Variants in MERTK observed in about 807,000 individuals in gnomAD.
MERTK encodes the protein tyrosine-protein kinase Mer.
Under a neutral mutation model 99.3 loss-of-function variants are expected in MERTK, and 69 were observed. The ratio of observed to expected loss-of-function variants is 0.70; its 90% CI spans 0.57 to 0.85. The LOEUF (loss-of-function observed/expected upper bound fraction) is 0.85, where lower values mean the gene tolerates loss of function less well. Among genes scored for constraint, MERTK ranks in the 40% least tolerant of loss-of-function variants. The pLI is 0.00. For missense variants in MERTK, 1,125 were observed against 1,249.4 expected, an observed-to-expected ratio of 0.90 and a Z score of 1.50; for synonymous variants, 426 against 467.6, an observed-to-expected ratio of 0.91 and a Z score of 1.15.
intron 18 of MERTK, among the ~76,000 whole-genome samples, chr2:112,023,687 A>C (rs1377232689): frequency 6.6e-6 from 1 of 152,132 alleles, no homozygotes; most frequent in African/African-American, 2.4e-5. Context: ...TTCTTGTGGC[A>C]TTGCTGGTAG....
In MERTK at chr2:111,898,620, T is replaced by TGCCCGGGCC. The variant is rs1683969649; in HGVS notation, c.-109_-101dup. 7.8e-7 allele frequency: 1 copy of TGCCCGGGCC among 1,286,176 alleles called. No homozygotes were observed. The highest frequency in any genetic ancestry group is 1.1e-6 in the Non-Finnish European group (1 of 917,214). 79.7% of individuals were successfully genotyped at this position (1,286,176 alleles called of 1,614,324 possible). On this transcript the variant is annotated 5_prime_UTR_variant, in exon 1 of 19. Coordinates refer to ENST00000295408, the MANE Select transcript of MERTK (RefSeq NM_006343.3). ...CTTGGCTCCGCCACTCGGCACTCAC[T>TGCCCGGGCC]GCCCGGGCCGCCCGGACAGGGAGCT...
intron 14 of MERTK, among the ~76,000 whole-genome samples, chr2:112,009,485 A>C (rs1183148876): frequency 6.6e-6 from 1 of 152,188 alleles, no homozygotes; most frequent in South Asian, 2.1e-4. Flanking sequence ...TTTGCAGTGG[A>C]CTTCTTCACG....
chr2:111,936,480 A>G (rs565561318), intron 2 of MERTK, among the ~76,000 whole-genome samples: 8 of 152,324 alleles, frequency 5.3e-5, no homozygotes, highest in African/African-American at 1.9e-4. Flanking sequence ...AAGGGAAGAA[A>G]TAACTGATGT....
At chr2:111,935,663 G>A (rs974672040) in intron 2 of MERTK, among the ~76,000 whole-genome samples, 1 of 151,244 alleles carries the variant, frequency 6.6e-6, no homozygotes, top group African/African-American at 2.4e-5. Flanking sequence ...GTGTGTGTGT[G>A]TGTGTGTGTG....
intron 1 of MERTK, among the ~76,000 whole-genome samples, chr2:111,927,825 G>T (rs976922292): frequency 7.2e-5 from 11 of 152,224 alleles, no homozygotes; most frequent in African/African-American, 2.7e-4. Flanking sequence ...TCCTGAGCAT[G>T]GCAGGAGGCC....
chr2:111,919,554 T>C (rs924964541), intron 1 of MERTK, among the ~76,000 whole-genome samples: 17 of 152,036 alleles, frequency 1.1e-4, no homozygotes, highest in Non-Finnish European at 2.4e-4. Flanking sequence ...TCTGGTTGCA[T>C]TGGTGCCCCC....
chr2:112,000,085 G>A (rs570248973), intron 10 of MERTK, among the ~76,000 whole-genome samples: 17 of 152,298 alleles, frequency 1.1e-4, no homozygotes, highest in African/African-American at 4.1e-4. Flanking sequence ...TGATCAGTTA[G>A]GGTGGGGCAG....
intron 1 of MERTK, among the ~76,000 whole-genome samples, chr2:111,911,983 C>G (rs55757240): frequency 0.36 from 53,787 of 148,892 alleles, 9,983 homozygotes; most frequent in East Asian, 0.74. Flanking sequence ...GCCACTGTGC[C>G]TGGCTTCCAA....
intron 3 of MERTK, among the ~76,000 whole-genome samples, chr2:111,946,300 A>C (rs979334580): frequency 1.3e-5 from 2 of 152,208 alleles, no homozygotes; most frequent in African/African-American, 4.8e-5. Flanking sequence ...AAAAATGCCC[A>C]GAGCAGGAAC....
At chr2:111,988,809 C>G (rs1261360751) in intron 8 of MERTK, among the ~76,000 whole-genome samples, 4 of 152,242 alleles carry the variant, frequency 2.6e-5, no homozygotes, top group Non-Finnish European at 5.9e-5. Flanking sequence ...ATTAGCCCAG[C>G]CTGGTGGCGG....
chr2:112,020,730 G>A lies in MERTK; in HGVS notation c.2190-692G>A, dbSNP rs1354216089. ...GCCAGTGCTGCTTCCAGACCTCTGG[G>A]AGGAAGGCTGCTGGGGTCCTGGATC... is the stretch of plus-strand genomic sequence containing the variant. On this transcript the variant is annotated intron_variant, in intron 16 of 18. Transcript: ENST00000295408. 5 of 469,230 alleles carry A rather than the reference G, an allele frequency of 1.1e-5. No homozygotes were observed. In the East Asian group the frequency reaches 3.5e-4, roughly 33 times the overall value. The allele number at this position is 469,230 out of a possible 1,614,324, so 29.1% of individuals were successfully genotyped here. A position where few individuals can be genotyped will look rare whatever the true frequency, so the allele number is the denominator to read the frequency against.
Position 112,029,150 on chromosome 2 carries a change from G to T in MERTK, c.*286G>T. ...CATATCTTAAAATTAAGCTTCAGCTGCTCCTTGATATTAACATTTGTACAG... is the reference window on the plus strand; with the variant it reads ...CATATCTTAAAATTAAGCTTCAGCTTCTCCTTGATATTAACATTTGTACAG... On this transcript the variant is annotated 3_prime_UTR_variant, in exon 19 of 19. Transcript: ENST00000295408. 9.2e-7 allele frequency: 1 copy of T among 1,085,860 alleles called. No homozygotes were observed. 67.3% of individuals were successfully genotyped at this position (1,085,860 alleles called of 1,614,324 possible).
chr2:112,027,348 C>T (rs1677486277), intron 18 of MERTK, among the ~76,000 whole-genome samples: 1 of 151,330 alleles, frequency 6.6e-6, no homozygotes, highest in Admixed American at 6.6e-5. Context: ...TATATACACA[C>T]ATGCCAATTA....
At chr2:111,960,941 T>C (rs1318435561) in intron 4 of MERTK, among the ~76,000 whole-genome samples, 2 of 151,570 alleles carry the variant, frequency 1.3e-5, no homozygotes, top group African/African-American at 4.9e-5. Context: ...GCAGAAGATA[T>C]AAAGACCCCG....
intron 7 of MERTK, 125 bp downstream of exon 7, chr2:111,975,597 T>G: frequency 9.9e-7 from 1 of 1,006,852 alleles, no homozygotes; most frequent in South Asian, 1.3e-5. Context: ...AGGAGAAAAT[T>G]ATTGAGGCGA....
chr2:111,983,083 A>G, intron 8 of MERTK, 90 bp downstream of exon 8: 1 of 1,508,326 alleles, frequency 6.6e-7, no homozygotes, highest in South Asian at 1.1e-5. Flanking sequence ...TTGGTTTTGA[A>G]AAGACCTGGT....
At chr2:111,927,303 A>G (rs1161104844) in intron 1 of MERTK, among the ~76,000 whole-genome samples, 1 of 152,230 alleles carries the variant, frequency 6.6e-6, no homozygotes, top group Non-Finnish European at 1.5e-5. Context: ...GCTCCCAGAC[A>G]GGGGTATGCC....
rs374923621 is a variant in MERTK at position 112,008,570 on chromosome 2, C to G, written c.1960+95C>G. On this transcript the variant is annotated intron_variant, in intron 14 of 18. Transcript: ENST00000295408. ...AATCTCTGGTGTAGATAAGTTTACACTTCGTATAACCCCAACATAACTTAT... is the reference window on the plus strand; with the variant it reads ...AATCTCTGGTGTAGATAAGTTTACAGTTCGTATAACCCCAACATAACTTAT... 3 of 883,764 alleles carry G rather than the reference C, an allele frequency of 3.4e-6. No individual in the cohort carries two copies. The African/African-American group carries it at 4.9e-5, about 14-fold the overall frequency. 54.7% of individuals were successfully genotyped at this position (883,764 alleles called of 1,614,324 possible). A position where few individuals can be genotyped will look rare whatever the true frequency, so the allele number is the denominator to read the frequency against.
chr2:111,974,988 G>A (rs1676214175), intron 6 of MERTK, among the ~76,000 whole-genome samples: 1 of 152,142 alleles, frequency 6.6e-6, no homozygotes, highest in Non-Finnish European at 1.5e-5. Context: ...TAAGAGAGGA[G>A]AGGCTTTATT....
Sources: allele counts gnomAD v4.1 joint callset (sites outside exome capture counted in the v4.1 genomes callset), GRCh38; gene constraint gnomAD v4.1.1; transcripts MANE v1.5; gene names NCBI Gene and HGNC (gene_info 2026-07-23, HGNC 2026-07-21).